Variants in MARCHF1 observed in about 807,000 individuals in gnomAD.
The protein encoded by MARCHF1 is E3 ubiquitin-protein ligase MARCHF1.
In MARCHF1, 40 loss-of-function variants were observed where a neutral mutation model predicts 54.2. That is an observed-to-expected ratio of 0.74 (90% confidence interval 0.57 to 0.96). MARCHF1 has a LOEUF of 0.96. Ranked by LOEUF, MARCHF1 falls within the 40% of genes least tolerant of loss-of-function variation. The pLI is 0.00. For synonymous variants in MARCHF1, 236 were observed against 236.3 expected (o/e 1.00, Z 0.01); for missense variants, 586 against 656.5 (o/e 0.89, Z 1.17).
intron 4 of MARCHF1, among the ~76,000 whole-genome samples, chr4:163,765,786 C>T (rs986995644): frequency 6.7e-6 from 1 of 149,444 alleles, no homozygotes; most frequent in African/African-American, 2.5e-5. Flanking sequence ...TGGAATATTT[C>T]CTAGCTCTTC....
chr4:163,904,803 G>C (rs200975843), intron 3 of MARCHF1, among the ~76,000 whole-genome samples: 1 of 95,458 alleles, frequency 1.0e-5, no homozygotes, highest in Admixed American at 1.1e-4. Flanking sequence ...GAGAGAGAGA[G>C]AGAGACAGAG....
rs116350300 is a variant in MARCHF1, at chr4:164,030,807, G to A, written c.-247-42098C>T. ...GAATGAATCAGTATATTTTGGGGAGGAAATTTTTACTGAGAAGGTGAGATT... is the reference window on the plus strand; with the variant it reads ...GAATGAATCAGTATATTTTGGGGAGAAAATTTTTACTGAGAAGGTGAGATT... On this transcript the variant is annotated intron_variant, in intron 2 of 9. Transcript: ENST00000514618. Among the ~76,000 whole-genome samples, 480 of 152,202 alleles carry A rather than the reference G, an allele frequency of 3.2e-3. 3 individuals are homozygous for A. The highest frequency in any genetic ancestry group is 0.011 in the African/African-American group (463 of 41,520).
chr4:163,915,824 G>A (rs1488737064), intron 3 of MARCHF1, among the ~76,000 whole-genome samples: 1 of 152,158 alleles, frequency 6.6e-6, no homozygotes, highest in Admixed American at 6.6e-5. Context: ...TAGTCAGGTA[G>A]TAAGATCGTC....
At chr4:163,729,199 A>G (rs1745756058) in intron 4 of MARCHF1, among the ~76,000 whole-genome samples, 1 of 151,986 alleles carries the variant, frequency 6.6e-6, no homozygotes, top group Admixed American at 6.5e-5. Context: ...TCCTCCATCT[A>G]TGTTCCTGGA....
chr4:164,084,730 T>A (rs965144134), intron 2 of MARCHF1, among the ~76,000 whole-genome samples: 13 of 151,564 alleles, frequency 8.6e-5, no homozygotes, highest in Admixed American at 2.0e-4. Flanking sequence ...TAAGCAATGT[T>A]TTTTCAGTGT....
intron 4 of MARCHF1, among the ~76,000 whole-genome samples, chr4:163,790,567 A>G (rs959244939): frequency 7.9e-5 from 12 of 152,158 alleles, no homozygotes; most frequent in Non-Finnish European, 1.5e-4. Context: ...GTAAAATCAG[A>G]TTCATCTTAT....
At chr4:164,306,684 G>A (rs555445850) in intron 1 of MARCHF1, among the ~76,000 whole-genome samples, 92 of 152,142 alleles carry the variant, frequency 6.0e-4, no homozygotes, top group African/African-American at 2.2e-3. Context: ...GATAAATGAG[G>A]GTCCTAATGT....
At chr4:163,602,648 G>A (rs1231912577) in intron 7 of MARCHF1, among the ~76,000 whole-genome samples, 4 of 152,078 alleles carry the variant, frequency 2.6e-5, no homozygotes, top group Admixed American at 2.6e-4. Flanking sequence ...AAAAACATAA[G>A]AGAATAAATC....
rs147499308 is a variant in MARCHF1 at position 163,682,796 on chromosome 4, C to T, written c.162+18017G>A. Among the ~76,000 whole-genome samples, 883 of 152,216 alleles carry T rather than the reference C, an allele frequency of 5.8e-3. 11 individuals carry two copies. The highest frequency in any genetic ancestry group is 0.021 in the African/African-American group (854 of 41,542). ...GCCATGTGAAGAAGGACATGTTTGC[C>T]TCCCCTTCTGCTATAACCGTAAGTT... On this transcript the variant is annotated intron_variant, in intron 5 of 9. Transcript: ENST00000514618.
At chr4:163,720,672 CT>C in intron 4 of MARCHF1, among the ~76,000 whole-genome samples, 1 of 152,266 alleles carries the variant, frequency 6.6e-6, no homozygotes, top group East Asian at 1.9e-4. Context: ...ATGGAATGTT[CT>C]TTCATTTGTT....
chr4:163,966,295 C>T (rs937689641), intron 3 of MARCHF1, among the ~76,000 whole-genome samples: 1 of 151,652 alleles, frequency 6.6e-6, no homozygotes, highest in East Asian at 1.9e-4. Context: ...TTTAAATTCC[C>T]CACCATTAAA....
At chr4:163,938,719 C>A (rs1751850985) in intron 3 of MARCHF1, among the ~76,000 whole-genome samples, 1 of 152,106 alleles carries the variant, frequency 6.6e-6, no homozygotes, top group Admixed American at 6.6e-5. Context: ...TTTCACAGAG[C>A]TGGGGAGGCC....
intron 2 of MARCHF1, chr4:163,988,918 T>C (rs1294456842): frequency 2.0e-5 from 3 of 152,186 alleles, no homozygotes; most frequent in South Asian, 2.1e-4. Flanking sequence ...CCTAAGAGCA[T>C]TGTGGGAGAC....
chr4:163,912,910 A>G (rs1751226466), intron 3 of MARCHF1, among the ~76,000 whole-genome samples: 1 of 152,252 alleles, frequency 6.6e-6, no homozygotes, highest in African/African-American at 2.4e-5. Flanking sequence ...ATAAATTGAA[A>G]GATAAATTCT....
In MARCHF1 at chr4:163,612,926, T is replaced by G. The variant is rs1174878578; in HGVS notation, c.355A>C (p.Arg119=). The G allele has an allele frequency of 2.6e-6, 4 of 1,535,442 alleles. No individual in the cohort carries two copies. Among genetic ancestry groups the G allele is most frequent in the Middle Eastern group, 3.3e-4 (2 of 5,984 alleles). The part of the protein sequence containing the change: ...SGKKSVIQRP[R]RRRKASERYE... ...CTCTCAGAGGCTTTTCTCCTCCTCCTAGGTCTTTGTATTACTGATTTCTTA... is the reference window on the plus strand; with the variant it reads ...CTCTCAGAGGCTTTTCTCCTCCTCCGAGGTCTTTGTATTACTGATTTCTTA... The change falls in exon 7 of 10, where the codon AGG becomes CGG. Residue 119 remains arginine, a synonymous_variant. Coordinates refer to ENST00000514618, the MANE Select transcript of MARCHF1 (RefSeq NM_001394959.1).
chr4:163,775,782 TAAAAAAAGGGG>T (rs1561071052), intron 4 of MARCHF1, among the ~76,000 whole-genome samples: 1 of 151,806 alleles, frequency 6.6e-6, no homozygotes, highest in African/African-American at 2.4e-5. Context: ...TGAGTGGATA[TAAAAAAAGGGG>T]GAAAAAAGAG....
At chr4:163,769,051 C>A (rs542325425) in intron 4 of MARCHF1, among the ~76,000 whole-genome samples, 1 of 152,196 alleles carries the variant, frequency 6.6e-6, no homozygotes, top group Non-Finnish European at 1.5e-5. Flanking sequence ...TAGCAAAAGA[C>A]TATTGTAGAG....
chr4:163,901,776 T>A (rs1223359987), intron 3 of MARCHF1, among the ~76,000 whole-genome samples: 1 of 152,188 alleles, frequency 6.6e-6, no homozygotes, highest in African/African-American at 2.4e-5. Flanking sequence ...AAGGCATCTA[T>A]AATCTCCCCT....
chr4:164,242,807 A>C (rs1446552243), intron 1 of MARCHF1, among the ~76,000 whole-genome samples: 1 of 152,100 alleles, frequency 6.6e-6, no homozygotes, highest in Non-Finnish European at 1.5e-5. Flanking sequence ...CTGAAAACCA[A>C]GGCTCGAGAA....
Sources: gnomAD v4.1 joint callset for allele counts (sites outside exome capture counted in the v4.1 genomes callset) on GRCh38, gnomAD v4.1.1 for gene constraint, MANE v1.5 for transcripts, NCBI Gene and HGNC (gene_info 2026-07-23, HGNC 2026-07-21) for gene names.